PLA2G4E: variants seen among roughly 807,000 people sequenced by gnomAD.
PLA2G4E encodes phospholipase A2 group IVE, also known as cytosolic phospholipase A2 epsilon.
PLA2G4E carries 84 observed loss-of-function variants against 109.1 expected under a neutral mutation model. The ratio of observed to expected loss-of-function variants is 0.77; its 90% CI spans 0.65 to 0.92. The LOEUF (loss-of-function observed/expected upper bound fraction) is 0.92, where lower values mean the gene tolerates loss of function less well. PLA2G4E is among the 40% of genes least tolerant of loss of function. The pLI, the probability that PLA2G4E is intolerant of heterozygous loss-of-function variation, is 0.00. For synonymous variants in PLA2G4E, 469 were observed against 436.1 expected (o/e 1.08, Z -0.94); for missense variants, 1,057 against 1,076.6 (o/e 0.98, Z 0.25).
chr15:42,029,566 C>T (rs1002353046), intron 1 of PLA2G4E, among the ~76,000 whole-genome samples: 2 of 152,242 alleles, frequency 1.3e-5, no homozygotes, highest in African/African-American at 4.8e-5. Flanking sequence ...TACTCCTTAT[C>T]ACCCATCACT....
chr15:42,013,216 T>A (rs1357912546), intron 2 of PLA2G4E, among the ~76,000 whole-genome samples: 1 of 152,188 alleles, frequency 6.6e-6, no homozygotes, highest in African/African-American at 2.4e-5. Flanking sequence ...CAGATCTTTG[T>A]CTTGAGAAGG....
intron 17 of PLA2G4E, among the ~76,000 whole-genome samples, chr15:41,986,406 G>C (rs2068142634): frequency 6.6e-6 from 1 of 152,176 alleles, no homozygotes; most frequent in Non-Finnish European, 1.5e-5. Flanking sequence ...CAGCAGAGGA[G>C]GCGGCACTGA....
chr15:42,033,214 G>A (rs555831622), intron 1 of PLA2G4E, among the ~76,000 whole-genome samples: 1 of 152,262 alleles, frequency 6.6e-6, no homozygotes, highest in African/African-American at 2.4e-5. Context: ...GCACCGAGAT[G>A]GATTAAAGTC....
chr15:42,008,260 C>A (rs1449707573), intron 2 of PLA2G4E, among the ~76,000 whole-genome samples: 3 of 152,230 alleles, frequency 2.0e-5, no homozygotes, highest in Non-Finnish European at 4.4e-5. Context: ...ACCAGGAAAA[C>A]CAAAGTAGGG....
Position 42,007,683 on chromosome 15 carries a change from A to G in PLA2G4E, c.393+46T>C, listed in dbSNP as rs2068490276. The G allele has an allele frequency of 1.9e-6, 3 of 1,585,072 alleles. No individual in the cohort carries two copies. The East Asian group carries it at 6.8e-5, about 36-fold the overall frequency. On this transcript the variant is annotated intron_variant, in intron 3 of 19. Coordinates refer to ENST00000399518, the Ensembl canonical transcript of PLA2G4E. Reference sequence around the variant, plus strand: ...GAGAAGGACAAGTGGGCAAGAGGGGAGTAAAATGCAGACAGGGAAGACAGG... The same window carrying G: ...GAGAAGGACAAGTGGGCAAGAGGGGGGTAAAATGCAGACAGGGAAGACAGG...
intron 16 of PLA2G4E, 26 bp from the exon 17 acceptor site, chr15:41,987,401 C>G: frequency 3.1e-6 from 5 of 1,603,316 alleles, no homozygotes; most frequent in Non-Finnish European, 4.3e-6. Context: ...GGATGAAGGG[C>G]AGGTCATGAG....
intron 12 of PLA2G4E, among the ~76,000 whole-genome samples, chr15:41,994,446 GGACACGGCCCT>G (rs1434884865): frequency 2.6e-5 from 4 of 152,242 alleles, no homozygotes; most frequent in Admixed American, 2.6e-4. Context: ...GTCACAGACA[GGACACGGCCCT>G]GCTTGATAGG....
intron 9 of PLA2G4E, 146 bp downstream of exon 9, chr15:41,999,771 T>G: frequency 9.2e-7 from 1 of 1,086,836 alleles, no homozygotes; most frequent in Non-Finnish European, 1.4e-6. Context: ...ATCAGTCTCC[T>G]GCCCCACAAG....
At chr15:42,032,082 T>C (rs1889123295) in intron 1 of PLA2G4E, among the ~76,000 whole-genome samples, 3 of 152,134 alleles carry the variant, frequency 2.0e-5, no homozygotes, top group African/African-American at 7.2e-5. Context: ...GCTTCCCCTC[T>C]TGCCACCCAA....
chr15:41,990,328 A>G (rs1566835935), intron 13 of PLA2G4E, 93 bp from the exon 14 acceptor site: 2 of 1,126,418 alleles, frequency 1.8e-6, no homozygotes, highest in East Asian at 4.8e-5. Context: ...CCCCGCAGCC[A>G]CTTCCTGGCT....
In PLA2G4E at chr15:41,996,301, T is replaced by C. The variant is rs1389145277; in HGVS notation, c.1111-805A>G. Reference sequence around the variant, plus strand: ...AGGTGGAGGCTGCAGTGAGCTGTGATGGTGCCACTGCACTCCAGCCTGGGT... The same window carrying C: ...AGGTGGAGGCTGCAGTGAGCTGTGACGGTGCCACTGCACTCCAGCCTGGGT... On this transcript the variant is annotated intron_variant, in intron 11 of 19. Transcript: ENST00000399518. Among the ~76,000 whole-genome samples the C allele has an allele frequency of 2.2e-5, 3 of 134,492 alleles. No individual in the cohort carries two copies. In the Admixed American group the frequency reaches 2.7e-4, roughly 12 times the overall value. The allele number at this position is 134,492 out of a possible 152,430, so 88.2% of individuals were successfully genotyped here.
intron 5 of PLA2G4E, among the ~76,000 whole-genome samples, chr15:42,004,519 C>T (rs748613648): frequency 9.2e-5 from 14 of 152,078 alleles, no homozygotes; most frequent in Non-Finnish European, 1.8e-4. Context: ...TGGCTGCTTG[C>T]GGCCAGGGTT....
intron 2 of PLA2G4E, among the ~76,000 whole-genome samples, chr15:42,010,530 C>CA (rs1264669727): frequency 2.6e-5 from 4 of 152,192 alleles, no homozygotes; most frequent in Admixed American, 2.6e-4. Context: ...CTGAGAATTT[C>CA]ATGGACTATG....
intron 13 of PLA2G4E, among the ~76,000 whole-genome samples, chr15:41,990,693 C>T (rs1259901035): frequency 6.6e-6 from 1 of 151,482 alleles, no homozygotes; most frequent in East Asian, 1.9e-4. Context: ...AAGAAGTTTC[C>T]CTTCCTCCGC....
intron 1 of PLA2G4E, among the ~76,000 whole-genome samples, chr15:42,045,964 C>T (rs955282093): frequency 2.0e-5 from 3 of 152,176 alleles, no homozygotes; most frequent in East Asian, 1.9e-4. Context: ...TCTATCCTAG[C>T]TGAGTAAGGG....
rs138334784 is a variant in PLA2G4E, at chr15:42,039,164, T to C, written c.183+11357A>G. On this transcript the variant is annotated intron_variant, in intron 1 of 19. Coordinates refer to ENST00000399518, the Ensembl canonical transcript of PLA2G4E. The stretch of plus-strand genomic sequence containing the variant: ...CAAATCTAAGCACCATCAACACTTA[T>C]GAATATACAGCAGTAGTTATCCAAA... Among the ~76,000 whole-genome samples, 195 of 152,294 alleles carry C rather than the reference T, an allele frequency of 1.3e-3. 1 individual carries two copies. The highest frequency in any genetic ancestry group is 4.4e-3 in the Admixed American group (67 of 15,302).
At chr15:41,984,247 T>C (rs140727606) in intron 19 of PLA2G4E, among the ~76,000 whole-genome samples, 189 bp downstream of exon 19, 1 of 152,168 alleles carries the variant, frequency 6.6e-6, no homozygotes, top group African/African-American at 2.4e-5. Flanking sequence ...ACTGAAAGAA[T>C]GGGGGATGAC....
At chr15:42,037,238 G>A (rs987743640) in intron 1 of PLA2G4E, among the ~76,000 whole-genome samples, 4 of 152,242 alleles carry the variant, frequency 2.6e-5, no homozygotes, top group African/African-American at 9.6e-5. Flanking sequence ...CTTCAGGCCA[G>A]GCTGCCAGTC....
At chr15:41,996,682 A>G (rs1348385272) in intron 11 of PLA2G4E, among the ~76,000 whole-genome samples, 2 of 152,236 alleles carry the variant, frequency 1.3e-5, no homozygotes, top group Non-Finnish European at 2.9e-5. Context: ...GCTTCTCTCC[A>G]GCTTCCTAGC....
Sources: gnomAD v4.1 joint callset for allele counts (sites outside exome capture counted in the v4.1 genomes callset) on GRCh38, gnomAD v4.1.1 for gene constraint, MANE v1.5 for transcripts, NCBI Gene and HGNC (gene_info 2026-07-23, HGNC 2026-07-21) for gene names.